The following PLCXD3 variants were observed in gnomAD, a reference collection of about 807,000 sequenced individuals.
PLCXD3 encodes PI-PLC X domain-containing protein 3.
In PLCXD3, 19 loss-of-function variants were observed where a neutral mutation model predicts 25.5. The observed-to-expected ratio is 0.75, with a 90% CI of 0.52 to 1.09. The LOEUF (loss-of-function observed/expected upper bound fraction) is 1.09. Among genes scored for constraint, PLCXD3 ranks in the 50% least tolerant of loss-of-function variants. The probability of loss-of-function intolerance (pLI) is 0.00; values close to 1 mark genes in which losing one functional copy is unlikely to be tolerated. For missense variants in PLCXD3, 411 were observed against 388.1 expected, an observed-to-expected ratio of 1.06 and a Z score of -0.50; for synonymous variants, 174 against 137.6, an observed-to-expected ratio of 1.26 and a Z score of -1.85.
At chr5:41,416,521 G>A (rs1281726436) in intron 1 of PLCXD3, among the ~76,000 whole-genome samples, 1 of 152,126 alleles carries the variant, frequency 6.6e-6, no homozygotes, top group Non-Finnish European at 1.5e-5. Flanking sequence ...GAAGCAGATG[G>A]GAAACCAGTG....
chr5:41,468,751 A>G (rs2124942), intron 1 of PLCXD3, among the ~76,000 whole-genome samples: 93,862 of 152,000 alleles, frequency 0.62, 30,721 homozygotes, highest in Admixed American at 0.72. Flanking sequence ...TTCATTTACC[A>G]GTTCTAACAG....
chr5:41,491,736 A>G (rs940731825), intron 1 of PLCXD3, among the ~76,000 whole-genome samples: 2 of 152,024 alleles, frequency 1.3e-5, no homozygotes, highest in African/African-American at 4.8e-5. Context: ...AGTCTGTTTT[A>G]TCAGAGACTA....
intron 1 of PLCXD3, among the ~76,000 whole-genome samples, chr5:41,493,844 C>A (rs1748766939): frequency 6.6e-6 from 1 of 152,206 alleles, no homozygotes; most frequent in Admixed American, 6.5e-5. Flanking sequence ...TCTGTCACCC[C>A]TTTCTTTGAC....
chr5:41,434,415 G>C (rs536280123), intron 1 of PLCXD3, among the ~76,000 whole-genome samples: 5 of 152,292 alleles, frequency 3.3e-5, no homozygotes, highest in South Asian at 4.1e-4. Flanking sequence ...TTGCAACTGG[G>C]AGAATGGCTA....
At chr5:41,385,925 T>C (rs1745619870) in intron 1 of PLCXD3, among the ~76,000 whole-genome samples, 1 of 152,016 alleles carries the variant, frequency 6.6e-6, no homozygotes, top group Non-Finnish European at 1.5e-5. Flanking sequence ...CCTGCATGAG[T>C]GAGATCTTGA....
At chr5:41,376,989 A>C (rs1253958250) in intron 2 of PLCXD3, among the ~76,000 whole-genome samples, 8 of 152,136 alleles carry the variant, frequency 5.3e-5, no homozygotes, top group African/African-American at 1.9e-4. Flanking sequence ...CACAAATAGC[A>C]GGGAGATAGC....
chr5:41,360,345 A>AT (rs1236642367), intron 2 of PLCXD3, among the ~76,000 whole-genome samples: 2 of 151,874 alleles, frequency 1.3e-5, no homozygotes, highest in Admixed American at 6.6e-5. Context: ...CTTCTGAATT[A>AT]TTTTTTCTGG....
chr5:41,357,415 T>C (rs1020741857), intron 2 of PLCXD3, among the ~76,000 whole-genome samples: 5 of 152,374 alleles, frequency 3.3e-5, no homozygotes, highest in African/African-American at 4.8e-5. Context: ...TCTTAGATCA[T>C]GTAAGACTCA....
chr5:41,444,724 G>C (rs1747457232), intron 1 of PLCXD3, among the ~76,000 whole-genome samples: 1 of 152,168 alleles, frequency 6.6e-6, no homozygotes, highest in South Asian at 2.1e-4. Flanking sequence ...CTTTAAATGG[G>C]TACCATAGGC....
At position 41,403,398 on chromosome 5, in the gene PLCXD3, G is replaced by GTTT. The variant is rs764950342; in HGVS notation, c.104-20865_104-20864insAAA. On this transcript the variant is annotated intron_variant, in intron 1 of 2. Coordinates refer to ENST00000377801, the MANE Select transcript of PLCXD3 (RefSeq NM_001005473.3). ...GCCATTTACCCAGATTGACTTATTTGTTGTTTTTTTTTTTTTTTATTATAC... is the reference window on the plus strand; with the variant it reads ...GCCATTTACCCAGATTGACTTATTTGTTTTTGTTTTTTTTTTTTTTTATTATAC... Among the ~76,000 whole-genome samples the GTTT allele has an allele frequency of 8.5e-4, 29 of 33,994 alleles. 5 individuals carry two copies. Among genetic ancestry groups the GTTT allele is most frequent in the East Asian group, 2.9e-3 (8 of 2,786 alleles). 22.3% of individuals were successfully genotyped at this position (33,994 alleles called of 152,430 possible).
At chr5:41,467,575 T>TCTTTGCTTTTGTTGC (rs1748046704) in intron 1 of PLCXD3, among the ~76,000 whole-genome samples, 1 of 152,184 alleles carries the variant, frequency 6.6e-6, no homozygotes, top group Non-Finnish European at 1.5e-5. Flanking sequence ...CATTTGTATA[T>TCTTTGCTTTTGTTGC]CTTTGCTTTT....
intron 2 of PLCXD3, among the ~76,000 whole-genome samples, chr5:41,359,951 T>A (rs887069601): frequency 6.6e-6 from 1 of 152,206 alleles, no homozygotes; most frequent in African/African-American, 2.4e-5. Flanking sequence ...TAGATTTTTC[T>A]TCTTACTCAG....
intron 1 of PLCXD3, among the ~76,000 whole-genome samples, chr5:41,477,218 A>C (rs1371685726): frequency 6.6e-6 from 1 of 152,178 alleles, no homozygotes; most frequent in Non-Finnish European, 1.5e-5. Flanking sequence ...TTACCCTAAC[A>C]GTATAGAAAT....
intron 1 of PLCXD3, among the ~76,000 whole-genome samples, chr5:41,447,282 C>T (rs773406985): frequency 1.8e-4 from 28 of 151,686 alleles, no homozygotes; most frequent in Non-Finnish European, 3.7e-4. Flanking sequence ...TGGTTGTTAG[C>T]CAGGGTAAAA....
intron 1 of PLCXD3, among the ~76,000 whole-genome samples, chr5:41,419,742 T>G (rs1186315790): frequency 6.6e-6 from 1 of 152,212 alleles, no homozygotes; most frequent in Non-Finnish European, 1.5e-5. Flanking sequence ...GATTAAATTT[T>G]TTAATCTATT....
At chr5:41,410,493 CG>C (rs111892877) in intron 1 of PLCXD3, among the ~76,000 whole-genome samples, 16,415 of 151,960 alleles carry the variant, frequency 0.11, 1,065 homozygotes, top group Admixed American at 0.17. Context: ...TTTCCTGTAC[CG>C]GATGTCGCAA....
chr5:41,345,764 C>G (rs1240888361), intron 2 of PLCXD3, among the ~76,000 whole-genome samples: 1 of 152,116 alleles, frequency 6.6e-6, no homozygotes. Flanking sequence ...CCAACTTTAA[C>G]TCATTTAACT....
chr5:41,476,596 A>C (rs547755230), intron 1 of PLCXD3, among the ~76,000 whole-genome samples: 1 of 152,084 alleles, frequency 6.6e-6, no homozygotes, highest in Admixed American at 6.5e-5. Context: ...CTGGGAAAGG[A>C]CTCTTGGAAG....
chr5:41,390,786 A>C (rs1227378930), intron 1 of PLCXD3, among the ~76,000 whole-genome samples: 4 of 152,214 alleles, frequency 2.6e-5, no homozygotes, highest in South Asian at 4.1e-4. Context: ...ACTGGGTTTT[A>C]ACTTCATATT....
Sources: gnomAD v4.1 joint callset for allele counts (sites outside exome capture counted in the v4.1 genomes callset) on GRCh38, gnomAD v4.1.1 for gene constraint, MANE v1.5 for transcripts, NCBI Gene and HGNC (gene_info 2026-07-23, HGNC 2026-07-21) for gene names.